The following EGFLAM variants were observed in gnomAD, a reference collection of about 807,000 sequenced individuals.
EGFLAM encodes the protein EGF like, fibronectin type III and laminin G domains.
EGFLAM carries 79 observed loss-of-function variants against 113.1 expected under a neutral mutation model. The observed-to-expected ratio is 0.70, with a 90% CI of 0.58 to 0.84. The LOEUF (loss-of-function observed/expected upper bound fraction) is 0.84. EGFLAM is among the 40% of genes least tolerant of loss of function. The pLI, the probability that EGFLAM is intolerant of heterozygous loss-of-function variation, is 0.00. For missense variants in EGFLAM, 1,265 were observed against 1,291.6 expected, an observed-to-expected ratio of 0.98 and a Z score of 0.32; for synonymous variants, 504 against 487.6, an observed-to-expected ratio of 1.03 and a Z score of -0.44.
chr5:38,362,315 C>G (rs1039008485), intron 5 of EGFLAM, among the ~76,000 whole-genome samples: 1 of 152,140 alleles, frequency 6.6e-6, no homozygotes, highest in African/African-American at 2.4e-5. Flanking sequence ...AGCTCGTCAT[C>G]ATAACTAAGT....
chr5:38,410,781 T>C (rs1322643407), intron 10 of EGFLAM, among the ~76,000 whole-genome samples: 1 of 152,190 alleles, frequency 6.6e-6, no homozygotes, highest in African/African-American at 2.4e-5. Context: ...CTCGCCTGTA[T>C]TGAGGTACAG....
rs563449185 is a variant in EGFLAM at position 38,445,438 on chromosome 5, T to A, written c.2465-2863T>A. The A allele has an allele frequency of 3.0e-6, 4 of 1,350,644 alleles. No individual in the cohort carries two copies. In the African/African-American group the frequency reaches 5.9e-5, roughly 20 times the overall value. 83.7% of individuals were successfully genotyped at this position (1,350,644 alleles called of 1,614,324 possible). A position where few individuals can be genotyped will look rare whatever the true frequency, so the allele number is the denominator to read the frequency against. On this transcript the variant is annotated intron_variant, in intron 17 of 21. Transcript: ENST00000322350. ...GGTCCACCGCCACGCCCACCTTCAA[T>A]AAGCCGAGAAGAGGTGAGGAGGCGG...
At chr5:38,262,455 A>G (rs1256915752) in intron 1 of EGFLAM, among the ~76,000 whole-genome samples, 1 of 152,182 alleles carries the variant, frequency 6.6e-6, no homozygotes, top group Non-Finnish European at 1.5e-5. Flanking sequence ...GCCGGAATAG[A>G]AATATATAGA....
chr5:38,403,755 A>T, intron 6 of EGFLAM: 1 of 1,562,328 alleles, frequency 6.4e-7, no homozygotes. Flanking sequence ...CAGAAAGCAA[A>T]AATACAGATA....
chr5:38,404,975 A>G (rs1741234583), intron 6 of EGFLAM, among the ~76,000 whole-genome samples: 1 of 152,142 alleles, frequency 6.6e-6, no homozygotes, highest in East Asian at 1.9e-4. Context: ...TCCCCAAAAG[A>G]TGATGCTCTG....
chr5:38,304,675 T>A (rs572510382), intron 1 of EGFLAM, among the ~76,000 whole-genome samples: 2 of 152,370 alleles, frequency 1.3e-5, no homozygotes, highest in African/African-American at 4.8e-5. Flanking sequence ...GAGTTTTTTA[T>A]TCATGAACAC....
intron 3 of EGFLAM, among the ~76,000 whole-genome samples, chr5:38,349,631 C>A (rs1739561670): frequency 6.6e-6 from 1 of 152,094 alleles, no homozygotes; most frequent in Admixed American, 6.6e-5. Context: ...TGCTGCTTCC[C>A]ACCGATCAGA....
intron 8 of EGFLAM, 141 bp from the exon 9 acceptor site, chr5:38,407,664 G>C (rs1254899096): frequency 1.8e-5 from 11 of 605,596 alleles, no homozygotes; most frequent in Non-Finnish European, 2.9e-5. Flanking sequence ...GGTATAAAAA[G>C]TATAGAAAAG....
intron 6 of EGFLAM, among the ~76,000 whole-genome samples, chr5:38,399,474 C>T (rs376140540): frequency 1.3e-5 from 2 of 151,942 alleles, no homozygotes; most frequent in African/African-American, 2.4e-5. Flanking sequence ...TATGGGTTTT[C>T]GCTATGTTGT....
At chr5:38,443,380 A>C (rs1742609843) in intron 17 of EGFLAM, among the ~76,000 whole-genome samples, 1 of 152,224 alleles carries the variant, frequency 6.6e-6, no homozygotes, top group African/African-American at 2.4e-5. Context: ...GCCAAATTCA[A>C]GGGGATTTCT....
At chr5:38,338,968 C>G (rs1176927004) in intron 3 of EGFLAM, among the ~76,000 whole-genome samples, 187 bp downstream of exon 3, 1 of 152,218 alleles carries the variant, frequency 6.6e-6, no homozygotes, top group East Asian at 1.9e-4. Context: ...CTCTGGAAAA[C>G]AGGCATCTGA....
In EGFLAM at chr5:38,433,511, G is replaced by A. The variant is rs190873123; in HGVS notation, c.2167-1626G>A. Among the ~76,000 whole-genome samples the A allele has an allele frequency of 9.7e-4, 148 of 152,308 alleles. 1 individual carries two copies. Among genetic ancestry groups the A allele is most frequent in the Middle Eastern group, 3.4e-3 (1 of 294 alleles). On this transcript the variant is annotated intron_variant, in intron 15 of 21. Coordinates refer to ENST00000322350, the MANE Select transcript of EGFLAM (RefSeq NM_152403.4). ...TCTTCTCTCCTGCGGTCCCCCTTGG[G>A]CATGGCAGCTGCAGCCCTTCCACTT...
At chr5:38,304,448 A>G (rs558456656) in intron 1 of EGFLAM, among the ~76,000 whole-genome samples, 18 of 152,368 alleles carry the variant, frequency 1.2e-4, no homozygotes, top group Non-Finnish European at 1.8e-4. Flanking sequence ...ACTGAAAAGT[A>G]TATATACATG....
At chr5:38,451,709 G>A in intron 19 of EGFLAM, 4 of 472,330 alleles carry the variant, frequency 8.5e-6, no homozygotes, top group Non-Finnish European at 1.5e-5. Context: ...GTCTTGCTGG[G>A]GCCGGGCACA....
intron 17 of EGFLAM, 120 bp downstream of exon 17, chr5:38,438,575 T>C: frequency 1.0e-6 from 1 of 978,848 alleles, no homozygotes; most frequent in Admixed American, 3.8e-5. Flanking sequence ...AGTGGTTATT[T>C]TGATCAATTA....
intron 1 of EGFLAM, among the ~76,000 whole-genome samples, chr5:38,328,949 A>G (rs1159817886): frequency 6.6e-6 from 1 of 151,996 alleles, no homozygotes; most frequent in Non-Finnish European, 1.5e-5. Context: ...TTAAAAATTT[A>G]TATATTTTTA....
At chr5:38,424,929 A>G (rs754949158) in intron 12 of EGFLAM, 38 bp from the exon 13 acceptor site, 18 of 1,609,758 alleles carry the variant, frequency 1.1e-5, no homozygotes, top group African/African-American at 2.7e-5. Context: ...ACTGGCACAC[A>G]TGGAGGATTG....
intron 5 of EGFLAM, among the ~76,000 whole-genome samples, chr5:38,366,943 G>T (rs1289827230): frequency 2.0e-5 from 3 of 152,166 alleles, no homozygotes; most frequent in Admixed American, 2.0e-4. Flanking sequence ...CAGTTAGTGA[G>T]CCCTGATTAA....
intron 6 of EGFLAM, among the ~76,000 whole-genome samples, chr5:38,383,289 C>T (rs9791109): frequency 0.22 from 34,072 of 152,054 alleles, 4,319 homozygotes; most frequent in African/African-American, 0.34. Context: ...ATGATGCAAA[C>T]AACTGGTACA....
Sources: gnomAD v4.1 joint callset for allele counts (sites outside exome capture counted in the v4.1 genomes callset) on GRCh38, gnomAD v4.1.1 for gene constraint, MANE v1.5 for transcripts, NCBI Gene and HGNC (gene_info 2026-07-23, HGNC 2026-07-21) for gene names.